The following RFX7 variants were observed in gnomAD, a reference collection of about 807,000 sequenced individuals.
RFX7 encodes DNA-binding protein RFX7.
RFX7 carries 26 observed loss-of-function variants against 111.8 expected under a neutral mutation model. That is an observed-to-expected ratio of 0.23 (90% CI 0.17 to 0.32). The LOEUF is 0.32. Among genes scored for constraint, RFX7 ranks in the 10% least tolerant of loss-of-function variants. The pLI, the probability that RFX7 is intolerant of heterozygous loss-of-function variation, is 1.00. For missense variants in RFX7, 1,573 were observed against 1,772.9 expected, an observed-to-expected ratio of 0.89 and a Z score of 2.02; for synonymous variants, 624 against 624.4, an observed-to-expected ratio of 1.00 and a Z score of 0.01.
intron 2 of RFX7, among the ~76,000 whole-genome samples, chr15:56,206,286 C>T (rs1177771430): frequency 1.3e-5 from 2 of 151,900 alleles, no homozygotes; most frequent in African/African-American, 4.8e-5. Context: ...ATGCATGCTA[C>T]AATATAAATG....
rs2041764245 is a variant in RFX7 at position 56,102,268 on chromosome 15, AG to A, written c.519-16del. ...TGTAGCAATATGTAATAAACAGTTA[AG>A]GTCTAAATATTCAAAATTAAATGAA... On this transcript the variant is annotated splice_polypyrimidine_tract_variant and intron_variant, in intron 6 of 9. Transcript: ENST00000559447. 3.3e-6 allele frequency: 5 copies of A among 1,508,738 alleles called. No individual in the cohort carries two copies. The East Asian group carries it at 1.1e-4, about 34-fold the overall frequency. 93.5% of individuals were successfully genotyped at this position (1,508,738 alleles called of 1,614,324 possible).
At chr15:56,102,349 A>C (rs2041765723) in intron 6 of RFX7, 96 bp from the exon 7 acceptor site, 1 of 655,470 alleles carries the variant, frequency 1.5e-6, no homozygotes, top group Admixed American at 3.3e-5. Context: ...AGAAAAAAAA[A>C]TCAACATGAC....
At chr15:56,170,058 T>C (rs1010250800) in intron 3 of RFX7, among the ~76,000 whole-genome samples, 5 of 152,228 alleles carry the variant, frequency 3.3e-5, no homozygotes, top group African/African-American at 4.8e-5. Context: ...GCAACACTTC[T>C]ATTTTAAACC....
At chr15:56,191,409 C>T (rs1331861466) in intron 2 of RFX7, among the ~76,000 whole-genome samples, 1 of 151,936 alleles carries the variant, frequency 6.6e-6, no homozygotes, top group Non-Finnish European at 1.5e-5. Context: ...ACCATTACTC[C>T]AACTAGTTAA....
At chr15:56,192,675 T>C in intron 2 of RFX7, 2 of 215,558 alleles carry the variant, frequency 9.3e-6, no homozygotes, top group Non-Finnish European at 2.0e-5. Context: ...AACAGGATGC[T>C]TTCCCAGGGT....
chr15:56,243,068 CTTTGCAGCAG>C, intron 2 of RFX7, 47 bp downstream of exon 2: 1 of 1,245,018 alleles, frequency 8.0e-7, no homozygotes, highest in Non-Finnish European at 1.1e-6. Flanking sequence ...CCCCCACCCA[CTTTGCAGCAG>C]AAATGTGCCT....
rs1336118320 is a variant in RFX7, at chr15:56,090,337, G to C, written c.*3008C>G. On this transcript the variant is annotated 3_prime_UTR_variant, in exon 10 of 10. Coordinates refer to ENST00000559447, the MANE Select transcript of RFX7 (RefSeq NM_022841.7). The stretch of plus-strand genomic sequence containing the variant: ...GTAATAATCTTAAGTGAACAACAGA[G>C]TTTTGATGAATGAACTAAGATCTGT... The C allele has an allele frequency of 2.6e-5, 4 of 152,164 alleles. No homozygotes were observed. The East Asian group carries it at 5.8e-4, about 22-fold the overall frequency. The allele number at this position is 152,164 out of a possible 1,614,324, so 9.4% of individuals were successfully genotyped here.
intron 2 of RFX7, among the ~76,000 whole-genome samples, chr15:56,219,439 A>G (rs1456333140): frequency 2.0e-5 from 3 of 152,158 alleles, no homozygotes; most frequent in Non-Finnish European, 4.4e-5. Context: ...TTGCTATGTC[A>G]CAGGGATTTG....
At chr15:56,218,249 G>C (rs1189748084) in intron 2 of RFX7, among the ~76,000 whole-genome samples, 1 of 142,252 alleles carries the variant, frequency 7.0e-6, no homozygotes, top group Non-Finnish European at 1.5e-5. Context: ...CTGCCTCCCG[G>C]GTTCAAGCAA....
At chr15:56,226,081 A>T (rs1366139210) in intron 2 of RFX7, among the ~76,000 whole-genome samples, 5 of 152,132 alleles carry the variant, frequency 3.3e-5, no homozygotes, top group Non-Finnish European at 5.9e-5. Context: ...TCAAGGAGCA[A>T]CAAAAGACAG....
At chr15:56,144,562 C>T (rs1469609693) in intron 3 of RFX7, 79 bp from the exon 4 acceptor site, 1 of 589,094 alleles carries the variant, frequency 1.7e-6, no homozygotes, top group Non-Finnish European at 3.0e-6. Flanking sequence ...CTAACATCTC[C>T]CTAAACGATA....
At chr15:56,101,710 A>G in intron 7 of RFX7, 144 bp from the exon 8 acceptor site, 3 of 746,868 alleles carry the variant, frequency 4.0e-6, no homozygotes, top group South Asian at 3.8e-5. Flanking sequence ...TGGCAGACAT[A>G]TAAGAGCTTT....
chr15:56,114,392 C>A (rs1415423351), intron 5 of RFX7, among the ~76,000 whole-genome samples: 3 of 127,530 alleles, frequency 2.4e-5, no homozygotes, highest in Admixed American at 8.8e-5. Context: ...GCCTAGGCAA[C>A]AGAGTGAGAT....
In RFX7 at chr15:56,230,783, G is replaced by A. The variant is rs180972150; in HGVS notation, c.161+12342C>T. Among the ~76,000 whole-genome samples, 583 of 152,280 alleles carry A rather than the reference G, an allele frequency of 3.8e-3. 9 individuals carry two copies. Among genetic ancestry groups the A allele is most frequent in the African/African-American group, 0.014 (564 of 41,556 alleles). ...AATGTTTCAGAGTACTTGAGCTATGGCTTCAACAATGATTAAGATGTAATT... is the reference window on the plus strand; with the variant it reads ...AATGTTTCAGAGTACTTGAGCTATGACTTCAACAATGATTAAGATGTAATT... On this transcript the variant is annotated intron_variant, in intron 2 of 9. Coordinates refer to ENST00000559447, the MANE Select transcript of RFX7 (RefSeq NM_022841.7).
intron 2 of RFX7, among the ~76,000 whole-genome samples, chr15:56,237,614 C>T (rs2043638561): frequency 6.6e-6 from 1 of 152,192 alleles, no homozygotes; most frequent in African/African-American, 2.4e-5. Flanking sequence ...CAAAAATTTA[C>T]AGTTAGACAT....
chr15:56,170,382 TAG>T (rs1595984176), intron 3 of RFX7, among the ~76,000 whole-genome samples: 1 of 152,182 alleles, frequency 6.6e-6, no homozygotes. Flanking sequence ...CAGTCTAGAA[TAG>T]AGTTTCTTAA....
At chr15:56,188,530 C>A (rs1049655536) in intron 2 of RFX7, among the ~76,000 whole-genome samples, 2 of 152,134 alleles carry the variant, frequency 1.3e-5, no homozygotes, top group Non-Finnish European at 2.9e-5. Context: ...ACTGTGAAAG[C>A]AGCCAGAAAA....
intron 2 of RFX7, among the ~76,000 whole-genome samples, chr15:56,239,027 T>C (rs1215710069): frequency 6.6e-6 from 1 of 151,778 alleles, no homozygotes; most frequent in Non-Finnish European, 1.5e-5. Context: ...AGAGACGGGG[T>C]TTCACCGTGT....
intron 5 of RFX7, among the ~76,000 whole-genome samples, chr15:56,122,706 G>A (rs1192801384): frequency 6.6e-6 from 1 of 151,850 alleles, no homozygotes; most frequent in Non-Finnish European, 1.5e-5. Context: ...AATCTACCTG[G>A]TGCTTTATCC....
Sources: allele counts gnomAD v4.1 joint callset (sites outside exome capture counted in the v4.1 genomes callset), GRCh38; gene constraint gnomAD v4.1.1; transcripts MANE v1.5; gene names NCBI Gene and HGNC (gene_info 2026-07-23, HGNC 2026-07-21).